TFDP1: variants seen among roughly 807,000 people sequenced by gnomAD.
TFDP1 encodes transcription factor Dp-1.
TFDP1 carries 6 observed loss-of-function variants against 48.0 expected under a neutral mutation model. That is an observed-to-expected ratio of 0.13 (90% CI 0.07 to 0.25). The LOEUF is 0.25. Ranked by LOEUF, TFDP1 falls within the 10% of genes least tolerant of loss-of-function variation. The pLI is 1.00. For synonymous variants in TFDP1, 201 were observed against 211.6 expected, an observed-to-expected ratio of 0.95 and a Z score of 0.44; for missense variants, 335 against 543.0, an observed-to-expected ratio of 0.62 and a Z score of 3.81.
chr13:113,611,319 A>G (rs946442210), intron 3 of TFDP1, among the ~76,000 whole-genome samples: 1 of 152,276 alleles, frequency 6.6e-6, no homozygotes, highest in Non-Finnish European at 1.5e-5. Context: ...AAAAGGTAGA[A>G]TATTGTAAAG....
rs923576907 is a variant in TFDP1, at chr13:113,636,222, T to C, written c.839+94T>C. 49 of 1,478,584 alleles carry C rather than the reference T, an allele frequency of 3.3e-5. No individual in the cohort carries two copies. In the African/African-American group the frequency reaches 6.7e-4, roughly 20 times the overall value. 91.6% of individuals were successfully genotyped at this position (1,478,584 alleles called of 1,614,324 possible). A position where few individuals can be genotyped will look rare whatever the true frequency, so the allele number is the denominator to read the frequency against. ...TTGTCACTAGGACAAGTTTTAAATG[T>C]TGTACAAATAGCAAATGTTGCACAA... On this transcript the variant is annotated intron_variant, in intron 9 of 11. Coordinates refer to ENST00000375370, the MANE Select transcript of TFDP1 (RefSeq NM_007111.5).
At chr13:113,595,181 C>T (rs1055391338) in intron 2 of TFDP1, among the ~76,000 whole-genome samples, 7 of 152,136 alleles carry the variant, frequency 4.6e-5, no homozygotes, top group Admixed American at 1.3e-4. Flanking sequence ...AAAAAAAAGA[C>T]GCTGTACCTA....
intron 2 of TFDP1, among the ~76,000 whole-genome samples, chr13:113,597,329 GC>G (rs1421309464): frequency 6.6e-6 from 1 of 152,230 alleles, no homozygotes; most frequent in Non-Finnish European, 1.5e-5. Flanking sequence ...CCACAGGCTG[GC>G]GGTATACTCG....
intron 2 of TFDP1, 56 bp downstream of exon 2, chr13:113,585,905 G>T: frequency 6.4e-7 from 1 of 1,566,318 alleles, no homozygotes; most frequent in Non-Finnish European, 8.8e-7. Flanking sequence ...TAAATTCTTT[G>T]TAGTTCTCTG....
At chr13:113,609,824 C>T (rs985683644) in intron 2 of TFDP1, among the ~76,000 whole-genome samples, 4 of 152,276 alleles carry the variant, frequency 2.6e-5, no homozygotes, top group South Asian at 2.1e-4. Flanking sequence ...GCCTGAGGTG[C>T]GTGGCCTCCT....
At chr13:113,586,637 C>G (rs922453024) in intron 2 of TFDP1, among the ~76,000 whole-genome samples, 3 of 152,196 alleles carry the variant, frequency 2.0e-5, no homozygotes, top group Non-Finnish European at 4.4e-5. Flanking sequence ...TCCGCACATG[C>G]TGCCTCTGCC....
chr13:113,611,809 G>T (rs1331056296), intron 3 of TFDP1, among the ~76,000 whole-genome samples: 1 of 152,102 alleles, frequency 6.6e-6, no homozygotes, highest in African/African-American at 2.4e-5. Context: ...AGTTCGTTGT[G>T]GTTTGTTGCG....
chr13:113,639,384 CA>C (rs1205175424), intron 11 of TFDP1, among the ~76,000 whole-genome samples: 1 of 152,264 alleles, frequency 6.6e-6, no homozygotes, highest in African/African-American at 2.4e-5. Context: ...CATGATGAGA[CA>C]TTTTATACAA....
intron 4 of TFDP1, among the ~76,000 whole-genome samples, chr13:113,626,339 T>C (rs1041469977): frequency 9.9e-5 from 15 of 152,230 alleles, no homozygotes; most frequent in Non-Finnish European, 2.1e-4. Context: ...TAGTCTTTAT[T>C]TTATATGCAT....
intron 2 of TFDP1, among the ~76,000 whole-genome samples, chr13:113,609,753 A>G (rs576924161): frequency 1.3e-5 from 2 of 152,186 alleles, no homozygotes; most frequent in South Asian, 2.1e-4. Flanking sequence ...GGAAGGGTGC[A>G]TTCGGGTGCC....
At chr13:113,600,209 A>C (rs1475448791) in intron 2 of TFDP1, among the ~76,000 whole-genome samples, 1 of 151,624 alleles carries the variant, frequency 6.6e-6, no homozygotes. Flanking sequence ...CAGGACCGTG[A>C]GAGAGAACCC....
chr13:113,598,489 C>T lies in TFDP1; in HGVS notation c.13-12507C>T, dbSNP rs1196509384. On this transcript the variant is annotated intron_variant, in intron 2 of 11. Coordinates refer to ENST00000375370, the MANE Select transcript of TFDP1 (RefSeq NM_007111.5). This position sits in a 1 kb window ranked among gnomAD's most constrained non-coding sequence, Gnocchi z 4.2. ...AGTGGATGGGCCCCACCCTCTGTGC[C>T]TGCTGGGGCTTCAGAATCCACTGGT... is the stretch of plus-strand genomic sequence containing the variant. Among the ~76,000 whole-genome samples, 1 of 152,148 alleles carries T rather than the reference C, an allele frequency of 6.6e-6. No individual in the cohort carries two copies. The highest frequency in any genetic ancestry group is 1.9e-4 in the East Asian group (1 of 5,194).
intron 11 of TFDP1, among the ~76,000 whole-genome samples, chr13:113,638,575 G>A (rs532667687): frequency 4.9e-4 from 74 of 152,362 alleles, no homozygotes; most frequent in Middle Eastern, 6.8e-3. Flanking sequence ...GAACGCGTCT[G>A]TGGTCACAGC....
intron 9 of TFDP1, 31 bp from the exon 10 acceptor site, chr13:113,636,503 C>G (rs746609738): frequency 1.2e-6 from 2 of 1,609,628 alleles, no homozygotes; most frequent in Non-Finnish European, 1.7e-6. Flanking sequence ...CTGGGAGACC[C>G]TGTCTTTCTG....
chr13:113,634,849 CTGTG>C (rs1001459455), intron 8 of TFDP1, among the ~76,000 whole-genome samples: 16 of 148,914 alleles, frequency 1.1e-4, no homozygotes, highest in African/African-American at 3.5e-4. Flanking sequence ...GTGCATGTGC[CTGTG>C]TGCGTGCGTG....
At position 113,637,859 on chromosome 13, in the gene TFDP1, G is replaced by A. The variant is rs776290371; in HGVS notation, c.1048G>A (p.Ala350Thr). Residue 350 changes from alanine to threonine, a missense_variant, in exon 11 of 12, where the codon GCA becomes ACA. This residue lies in a region of TFDP1 where 204 missense variants were observed against 287.1 expected (regional missense o/e 0.71). Transcript: ENST00000375370. ...GTVGGVFITTAGSTSNGTRFS... is the reference protein window; with the variant it reads ...GTVGGVFITTTGSTSNGTRFS... ...TGTTGGAGGCGTGTTCATCACGACG[G>A]CAGGTTCCACGTCTAACGGCACAAG... 6 of 1,614,034 alleles carry A rather than the reference G, an allele frequency of 3.7e-6. No homozygotes were observed. The highest frequency in any genetic ancestry group is 4.2e-6 in the Non-Finnish European group (5 of 1,180,054).
intron 4 of TFDP1, among the ~76,000 whole-genome samples, chr13:113,629,160 C>T (rs1190824017): frequency 6.6e-6 from 1 of 152,216 alleles, no homozygotes; most frequent in African/African-American, 2.4e-5. Context: ...AGCTGCCACG[C>T]AGGGCACGCA....
intron 3 of TFDP1, among the ~76,000 whole-genome samples, chr13:113,618,703 C>T (rs1241400135): frequency 2.0e-5 from 3 of 152,102 alleles, no homozygotes; most frequent in Admixed American, 1.3e-4. Context: ...GCAGGTGTGC[C>T]GAGGAAAACA....
At chr13:113,603,661 G>A (rs1193441654) in intron 2 of TFDP1, among the ~76,000 whole-genome samples, 1 of 152,178 alleles carries the variant, frequency 6.6e-6, no homozygotes, top group East Asian at 1.9e-4. Flanking sequence ...AGACAGAAGA[G>A]AATAATCTAC....
Sources: gnomAD v4.1 joint callset for allele counts (sites outside exome capture counted in the v4.1 genomes callset) on GRCh38, gnomAD v4.1.1 for gene constraint, gnomAD v4.1.1 regional missense constraint, Gnocchi (gnomAD v3.1) non-coding constraint, MANE v1.5 for transcripts, NCBI Gene and HGNC (gene_info 2026-07-23, HGNC 2026-07-21) for gene names.